The following VSIG10 variants were observed in gnomAD, a reference collection of about 807,000 sequenced individuals.
VSIG10 encodes V-set and immunoglobulin domain-containing protein 10.
VSIG10 carries 48 observed loss-of-function variants against 58.7 expected under a neutral mutation model. The ratio of observed to expected loss-of-function variants is 0.82; its 90% CI spans 0.65 to 1.04. The LOEUF (loss-of-function observed/expected upper bound fraction) is 1.04, where lower values mean the gene tolerates loss of function less well. Among genes scored for constraint, VSIG10 ranks in the 50% least tolerant of loss-of-function variants. VSIG10 has a pLI of 0.00. For synonymous variants in VSIG10, 260 were observed against 267.1 expected, an observed-to-expected ratio of 0.97 and a Z score of 0.26; for missense variants, 628 against 670.0, an observed-to-expected ratio of 0.94 and a Z score of 0.69.
At chr12:118,071,535 C>CT in intron 5 of VSIG10, 66 bp from the exon 6 acceptor site, 3 of 1,431,400 alleles carry the variant, frequency 2.1e-6, no homozygotes, top group Non-Finnish European at 3.0e-6. Flanking sequence ...CAACACCTCC[C>CT]TTTCTCTGCG....
At chr12:118,091,224 G>A (rs2137931345) in intron 2 of VSIG10, among the ~76,000 whole-genome samples, 1 of 152,262 alleles carries the variant, frequency 6.6e-6, no homozygotes. Context: ...TGGGTACGGT[G>A]GCTCACGCCT....
intron 4 of VSIG10, among the ~76,000 whole-genome samples, chr12:118,074,212 G>A (rs561065911): frequency 7.3e-5 from 11 of 151,506 alleles, no homozygotes; most frequent in Admixed American, 2.6e-4. Context: ...TCAGCCTCCC[G>A]AGCTGGGATT....
At chr12:118,079,115 T>A (rs562241641) in intron 4 of VSIG10, among the ~76,000 whole-genome samples, 5 of 152,140 alleles carry the variant, frequency 3.3e-5, no homozygotes, top group African/African-American at 1.2e-4. Flanking sequence ...AGGGGTTCAA[T>A]TAGTATCTGT....
At chr12:118,092,901 G>T (rs190655181) in intron 2 of VSIG10, among the ~76,000 whole-genome samples, 31 of 152,006 alleles carry the variant, frequency 2.0e-4, no homozygotes, top group African/African-American at 6.7e-4. Flanking sequence ...CTCCCAAAGT[G>T]CTGGGATTAC....
chr12:118,072,728 T>C (rs2032548075), intron 5 of VSIG10, among the ~76,000 whole-genome samples: 1 of 149,778 alleles, frequency 6.7e-6, no homozygotes, highest in Non-Finnish European at 1.5e-5. Flanking sequence ...AGTAGAGACA[T>C]ATATAGTAAA....
intron 1 of VSIG10, among the ~76,000 whole-genome samples, chr12:118,098,857 T>C (rs894192343): frequency 1.3e-5 from 2 of 151,516 alleles, no homozygotes; most frequent in Non-Finnish European, 2.9e-5. Flanking sequence ...CAGCAGCCCT[T>C]TGTGTTTTAT....
intron 1 of VSIG10, among the ~76,000 whole-genome samples, chr12:118,097,078 C>A (rs768335015): frequency 6.6e-6 from 1 of 152,086 alleles, no homozygotes; most frequent in Non-Finnish European, 1.5e-5. Flanking sequence ...ACATACAGAA[C>A]GTCTGGTATG....
At chr12:118,093,133 C>A (rs1286565580) in intron 2 of VSIG10, among the ~76,000 whole-genome samples, 21 of 139,208 alleles carry the variant, frequency 1.5e-4, no homozygotes, top group Admixed American at 1.5e-4. Flanking sequence ...GCTAAAAATA[C>A]AAAAAAAAAA....
intron 1 of VSIG10, among the ~76,000 whole-genome samples, chr12:118,100,632 A>G (rs1036314276): frequency 6.6e-6 from 1 of 152,104 alleles, no homozygotes; most frequent in Admixed American, 6.5e-5. Flanking sequence ...GGGTTCAAGC[A>G]ATTCTCCCGC....
intron 2 of VSIG10, among the ~76,000 whole-genome samples, chr12:118,085,632 C>T (rs1454855708): frequency 3.9e-5 from 6 of 152,080 alleles, no homozygotes; most frequent in Admixed American, 6.6e-5. Context: ...GAGGCCGAGG[C>T]GGGTGGATCA....
At position 118,065,365 on chromosome 12, in the gene VSIG10, T is replaced by C. The variant is rs1212416056; in HGVS notation, c.*1274A>G. On this transcript the variant is annotated 3_prime_UTR_variant, in exon 9 of 9. Coordinates refer to ENST00000359236, the MANE Select transcript of VSIG10 (RefSeq NM_019086.6). ...CAGTGTATCACCTAGGAGGCTTGTA[T>C]ATAAATATGAAGCTCTGCAAAATGT... 3 of 152,244 alleles carry C rather than the reference T, an allele frequency of 2.0e-5. No homozygotes were observed. Among genetic ancestry groups the C allele is most frequent in the Non-Finnish European group, 4.4e-5 (3 of 68,034 alleles). 9.4% of individuals were successfully genotyped at this position (152,244 alleles called of 1,614,324 possible).
intron 5 of VSIG10, 54 bp from the exon 6 acceptor site, chr12:118,071,523 A>G: frequency 6.7e-7 from 1 of 1,489,602 alleles, no homozygotes; most frequent in South Asian, 1.1e-5. Flanking sequence ...GTGCAATTAG[A>G]ACAACACCTC....
chr12:118,082,719 G>A (rs1021219538), intron 2 of VSIG10, among the ~76,000 whole-genome samples: 8 of 152,056 alleles, frequency 5.3e-5, no homozygotes, highest in Admixed American at 6.6e-5. Flanking sequence ...GCTCATGCCT[G>A]TAATCCTAGC....
chr12:118,079,926 C>A (rs2137891262), intron 3 of VSIG10, among the ~76,000 whole-genome samples: 1 of 152,294 alleles, frequency 6.6e-6, no homozygotes, highest in South Asian at 2.1e-4. Context: ...CTCGACCTCC[C>A]AGGTTCAAGC....
At chr12:118,099,122 C>T (rs1287815968) in intron 1 of VSIG10, among the ~76,000 whole-genome samples, 1 of 151,840 alleles carries the variant, frequency 6.6e-6, no homozygotes, top group Non-Finnish European at 1.5e-5. Flanking sequence ...AGTGTGCCTG[C>T]TCAGGCCTGT....
intron 2 of VSIG10, among the ~76,000 whole-genome samples, chr12:118,085,678 A>G (rs1235144893): frequency 6.7e-6 from 1 of 150,312 alleles, no homozygotes; most frequent in Non-Finnish European, 1.5e-5. Context: ...CCTGGCCAAC[A>G]TGGTGAAACC....
Position 118,079,200 on chromosome 12 carries a change from T to C in VSIG10, c.925+146A>G, listed in dbSNP as rs1174818273. 6.4e-6 allele frequency: 8 copies of C among 1,244,052 alleles called. No individual in the cohort carries two copies. In the African/African-American group the frequency reaches 1.1e-4, roughly 17 times the overall value. The allele number at this position is 1,244,052 out of a possible 1,614,324, so 77.1% of individuals were successfully genotyped here. On this transcript the variant is annotated intron_variant, in intron 4 of 8. Coordinates refer to ENST00000359236, the MANE Select transcript of VSIG10 (RefSeq NM_019086.6). Reference sequence around the variant, plus strand: ...TCTAAAATTTGAAAAAAGTGAAACATAAAGAAAAAGAAAGGGAGAAAGGGA... The same window carrying C: ...TCTAAAATTTGAAAAAAGTGAAACACAAAGAAAAAGAAAGGGAGAAAGGGA...
At chr12:118,069,925 A>G (rs574320560) in intron 7 of VSIG10, among the ~76,000 whole-genome samples, 6 of 152,256 alleles carry the variant, frequency 3.9e-5, no homozygotes, top group South Asian at 2.1e-4. Flanking sequence ...CCCAGGTCCA[A>G]TGGTCTCAGT....
chr12:118,076,507 A>G (rs1473407710), intron 4 of VSIG10, among the ~76,000 whole-genome samples: 1 of 152,044 alleles, frequency 6.6e-6, no homozygotes, highest in Non-Finnish European at 1.5e-5. Context: ...GGGTGGGGAC[A>G]CAGAGCCAAA....
Sources: allele counts gnomAD v4.1 joint callset (sites outside exome capture counted in the v4.1 genomes callset), GRCh38; gene constraint gnomAD v4.1.1; transcripts MANE v1.5; gene names NCBI Gene and HGNC (gene_info 2026-07-23, HGNC 2026-07-21).